The following ATRNL1 variants were observed in gnomAD, a reference collection of about 807,000 sequenced individuals.
The protein encoded by ATRNL1 is attractin like 1.
A neutral mutation model predicts 182.7 loss-of-function variants in ATRNL1; 95 were observed. The ratio of observed to expected loss-of-function variants is 0.52; its 90% CI spans 0.44 to 0.62. ATRNL1 has a LOEUF of 0.62. Among genes scored for constraint, ATRNL1 ranks in the 20% least tolerant of loss-of-function variants. The pLI, the probability that ATRNL1 is intolerant of heterozygous loss-of-function variation, is 0.00. For missense variants in ATRNL1, 1,471 were observed against 1,679.5 expected (o/e 0.88, Z 2.17); for synonymous variants, 576 against 568.3 (o/e 1.01, Z -0.19).
intron 5 of ATRNL1, among the ~76,000 whole-genome samples, chr10:115,146,593 A>G (rs965003621): frequency 6.6e-6 from 1 of 152,030 alleles, no homozygotes; most frequent in Non-Finnish European, 1.5e-5. Context: ...GTTTGTATCC[A>G]TTAGCCAATG....
chr10:115,345,579 AT>A (rs1278268323), intron 19 of ATRNL1, among the ~76,000 whole-genome samples: 15 of 152,102 alleles, frequency 9.9e-5, no homozygotes, highest in African/African-American at 3.6e-4. Flanking sequence ...GGCTCACCTG[AT>A]TTTTGGTTTT....
intron 28 of ATRNL1, among the ~76,000 whole-genome samples, chr10:115,889,120 A>G (rs1952019016): frequency 1.3e-5 from 2 of 152,216 alleles, no homozygotes; most frequent in Admixed American, 6.5e-5. Flanking sequence ...GCCAATTAAT[A>G]CAAGTTGCTG....
intron 11 of ATRNL1, among the ~76,000 whole-genome samples, chr10:115,265,675 T>G (rs1851580078): frequency 6.6e-6 from 1 of 151,708 alleles, no homozygotes; most frequent in East Asian, 1.9e-4. Flanking sequence ...CTCATTTTAG[T>G]TCTGTCATTT....
intron 26 of ATRNL1, among the ~76,000 whole-genome samples, chr10:115,675,898 A>G (rs1177468628): frequency 2.0e-5 from 3 of 152,096 alleles, no homozygotes; most frequent in Non-Finnish European, 2.9e-5. Context: ...GAGCTAGAAA[A>G]CAGTAAGTCG....
At chr10:115,500,877 G>T (rs1167401384) in intron 24 of ATRNL1, among the ~76,000 whole-genome samples, 2 of 143,694 alleles carry the variant, frequency 1.4e-5, no homozygotes, top group Non-Finnish European at 3.0e-5. Flanking sequence ...TTTTAAATTG[G>T]CTTTGATGGA....
At chr10:115,130,684 C>A (rs1278265603) in intron 5 of ATRNL1, among the ~76,000 whole-genome samples, 1 of 152,014 alleles carries the variant, frequency 6.6e-6, no homozygotes, top group African/African-American at 2.4e-5. Context: ...TATGACTTTT[C>A]TTCCCCCCAA....
At chr10:115,313,298 C>T (rs1854128626) in intron 17 of ATRNL1, among the ~76,000 whole-genome samples, 1 of 151,896 alleles carries the variant, frequency 6.6e-6, no homozygotes, top group Non-Finnish European at 1.5e-5. Context: ...TTCAACTGTG[C>T]TTTTTTCATT....
In ATRNL1 at chr10:115,586,362, T is replaced by C. The variant is rs1222958022; in HGVS notation, c.3795+36826T>C. ...CCTGCAGAGTGTTTTCCAACTTGGTTCCATTCTCCCCGTCACTTTCAGGTA... is the reference window on the plus strand; with the variant it reads ...CCTGCAGAGTGTTTTCCAACTTGGTCCCATTCTCCCCGTCACTTTCAGGTA... On this transcript the variant is annotated intron_variant, in intron 26 of 28. Coordinates refer to ENST00000355044, the MANE Select transcript of ATRNL1 (RefSeq NM_207303.4). 6.2e-5 allele frequency among the ~76,000 whole-genome samples: 6 copies of C among 96,440 alleles called. 2 individuals carry two copies. The highest frequency in any genetic ancestry group is 1.4e-4 in the Non-Finnish European group (6 of 43,886). The allele number at this position is 96,440 out of a possible 152,430, so 63.3% of individuals were successfully genotyped here.
chr10:115,326,055 A>T (rs1310510045), intron 18 of ATRNL1, among the ~76,000 whole-genome samples: 1 of 152,130 alleles, frequency 6.6e-6, no homozygotes, highest in East Asian at 1.9e-4. Flanking sequence ...GTCACAGAGT[A>T]AATTTTCTAT....
Position 115,872,668 on chromosome 10 carries a change from A to G in ATRNL1, c.4018+24677A>G, listed in dbSNP as rs1274424356. Among the ~76,000 whole-genome samples, 5 of 152,228 alleles carry G rather than the reference A, an allele frequency of 3.3e-5. No homozygotes were observed. The East Asian group carries it at 7.7e-4, about 23-fold the overall frequency. Reference sequence around the variant, plus strand: ...AAAGTCATGTTTTCTGAGCTGGTGAAGAAGCAGTGGACTGTGTGGAGAAAA... The same window carrying G: ...AAAGTCATGTTTTCTGAGCTGGTGAGGAAGCAGTGGACTGTGTGGAGAAAA... On this transcript the variant is annotated intron_variant, in intron 28 of 28. Coordinates refer to ENST00000355044, the MANE Select transcript of ATRNL1 (RefSeq NM_207303.4).
At chr10:115,094,802 T>G (rs1366495444) in intron 1 of ATRNL1, among the ~76,000 whole-genome samples, 1 of 152,230 alleles carries the variant, frequency 6.6e-6, no homozygotes, top group African/African-American at 2.4e-5. Context: ...GAATGTGTAC[T>G]TTTAACGAAT....
intron 27 of ATRNL1, among the ~76,000 whole-genome samples, chr10:115,759,893 C>A (rs962933669): frequency 4.2e-5 from 6 of 143,870 alleles, no homozygotes; most frequent in Non-Finnish European, 7.5e-5. Context: ...CCAGGTTTCA[C>A]CATGTTGGCA....
intron 21 of ATRNL1, among the ~76,000 whole-genome samples, chr10:115,453,337 GA>G (rs35752533): frequency 0.22 from 33,632 of 151,908 alleles, 4,676 homozygotes; most frequent in Non-Finnish European, 0.31. Context: ...GTTTTTTAGA[GA>G]AATGTCTATT....
chr10:115,382,334 TTCA>T (rs1414434588), intron 19 of ATRNL1, among the ~76,000 whole-genome samples: 38 of 152,110 alleles, frequency 2.5e-4, no homozygotes, highest in African/African-American at 8.9e-4. Flanking sequence ...TGGGCTGTCT[TTCA>T]ATTTATTTAT....
intron 18 of ATRNL1, among the ~76,000 whole-genome samples, chr10:115,331,723 G>T (rs973396557): frequency 2.0e-5 from 3 of 151,758 alleles, no homozygotes; most frequent in African/African-American, 7.3e-5. Context: ...TGTTTCGGTG[G>T]GCTTGTTGAC....
At chr10:115,144,944 A>G (rs1274900620) in intron 5 of ATRNL1, among the ~76,000 whole-genome samples, 1 of 152,152 alleles carries the variant, frequency 6.6e-6, no homozygotes, top group Non-Finnish European at 1.5e-5. Context: ...TAATATTTAT[A>G]TATTAGGCAA....
At chr10:115,625,089 C>G (rs970977783) in intron 26 of ATRNL1, among the ~76,000 whole-genome samples, 3 of 151,998 alleles carry the variant, frequency 2.0e-5, no homozygotes, top group African/African-American at 7.3e-5. Flanking sequence ...AAATTATATA[C>G]CTTCCCTAAA....
chr10:115,257,354 G>C (rs1430534296), intron 10 of ATRNL1, among the ~76,000 whole-genome samples: 1 of 152,156 alleles, frequency 6.6e-6, no homozygotes, highest in Non-Finnish European at 1.5e-5. Context: ...AGCTCTTCTT[G>C]TTAAATTGAT....
At chr10:115,483,712 T>G (rs1410602930) in intron 24 of ATRNL1, among the ~76,000 whole-genome samples, 1 of 151,634 alleles carries the variant, frequency 6.6e-6, no homozygotes, top group Non-Finnish European at 1.5e-5. Flanking sequence ...CACATGGTAC[T>G]TTAAAGTTAA....
Sources: gnomAD v4.1 joint callset for allele counts (sites outside exome capture counted in the v4.1 genomes callset) on GRCh38, gnomAD v4.1.1 for gene constraint, MANE v1.5 for transcripts, NCBI Gene and HGNC (gene_info 2026-07-23, HGNC 2026-07-21) for gene names.